Variants in INPP4B observed in about 807,000 individuals in gnomAD.
The protein encoded by INPP4B is inositol polyphosphate 4-phosphatase type II.
Under a neutral mutation model 122.5 loss-of-function variants are expected in INPP4B, and 55 were observed. That is an observed-to-expected ratio of 0.45 (90% CI 0.36 to 0.56). The LOEUF (loss-of-function observed/expected upper bound fraction) is 0.56, where lower values mean the gene tolerates loss of function less well. Among genes scored for constraint, INPP4B ranks in the 20% least tolerant of loss-of-function variants. INPP4B has a pLI of 0.00. For missense variants in INPP4B, 1,000 were observed against 1,097.7 expected (o/e 0.91, Z 1.26); for synonymous variants, 403 against 388.7 (o/e 1.04, Z -0.43).
chr4:142,117,799 C>T (rs577609970), intron 21 of INPP4B, among the ~76,000 whole-genome samples: 1 of 151,496 alleles, frequency 6.6e-6, no homozygotes, highest in East Asian at 1.9e-4. Flanking sequence ...CTAGGGCAAT[C>T]AGGCAGGAGA....
chr4:142,661,985 G>A (rs1270092104), intron 2 of INPP4B, among the ~76,000 whole-genome samples: 5 of 152,080 alleles, frequency 3.3e-5, no homozygotes, highest in Admixed American at 3.3e-4. Context: ...TGTAATCCCA[G>A]CACGTTGGGA....
intron 2 of INPP4B, among the ~76,000 whole-genome samples, chr4:142,586,712 C>A (rs1580434636): frequency 1.3e-5 from 2 of 151,930 alleles, no homozygotes; most frequent in East Asian, 3.9e-4. Context: ...ATATATAATA[C>A]TGAGAAAGTA....
At chr4:142,652,032 C>T (rs1363248544) in intron 2 of INPP4B, among the ~76,000 whole-genome samples, 1 of 152,116 alleles carries the variant, frequency 6.6e-6, no homozygotes, top group East Asian at 1.9e-4. Flanking sequence ...ACTATCAGGT[C>T]AGCTTCATCC....
chr4:142,103,657 T>G (rs907437441), intron 23 of INPP4B, among the ~76,000 whole-genome samples: 2 of 152,072 alleles, frequency 1.3e-5, no homozygotes, highest in African/African-American at 4.8e-5. Context: ...TTACCTTGAG[T>G]CATTAAATTG....
intron 1 of INPP4B, among the ~76,000 whole-genome samples, chr4:142,794,119 C>CCAAAATGT (rs1453792757): frequency 6.6e-6 from 1 of 151,950 alleles, no homozygotes; most frequent in African/African-American, 2.4e-5. Flanking sequence ...ATCTATCTAT[C>CCAAAATGT]ACAAGCTAAT....
Position 142,723,686 on chromosome 4 carries a change from T to C in INPP4B, c.-191+2153A>G, listed in dbSNP as rs112981611. 3.1e-3 allele frequency among the ~76,000 whole-genome samples: 475 copies of C among 152,256 alleles called. 6 individuals are homozygous for C. The highest frequency in any genetic ancestry group is 0.011 in the African/African-American group (463 of 41,568). ...CTACACAAAATGAATGTGTTAGTCA[T>C]CATGTATACTAAGAAAAGCTGAATG... On this transcript the variant is annotated intron_variant, in intron 2 of 25. Coordinates refer to ENST00000262992, the MANE Select transcript of INPP4B (RefSeq NM_001101669.3).
At chr4:142,035,525 A>G (rs910582296) in intron 25 of INPP4B, among the ~76,000 whole-genome samples, 12 of 152,188 alleles carry the variant, frequency 7.9e-5, no homozygotes, top group Non-Finnish European at 1.3e-4. Context: ...CCACTAACCT[A>G]GCCCACTGGT....
intron 5 of INPP4B, chr4:142,423,857 A>T (rs996055173): frequency 1.2e-5 from 5 of 426,468 alleles, no homozygotes; most frequent in Non-Finnish European, 2.3e-5. Flanking sequence ...TTATGTACTT[A>T]CCACTCTTCC....
At chr4:142,253,072 G>T (rs1468049880) in intron 11 of INPP4B, among the ~76,000 whole-genome samples, 2 of 152,132 alleles carry the variant, frequency 1.3e-5, no homozygotes, top group African/African-American at 4.8e-5. Flanking sequence ...CACCACAATG[G>T]TAAGTATTTA....
intron 24 of INPP4B, among the ~76,000 whole-genome samples, chr4:142,084,249 G>A (rs1578844953): frequency 6.6e-6 from 1 of 152,004 alleles, no homozygotes; most frequent in African/African-American, 2.4e-5. Context: ...TCAGCCTCCT[G>A]AGTGGCTGGG....
intron 2 of INPP4B, among the ~76,000 whole-genome samples, chr4:142,687,351 G>GA (rs1460002792): frequency 6.6e-6 from 1 of 151,946 alleles, no homozygotes; most frequent in African/African-American, 2.4e-5. Context: ...TGAGGAATGA[G>GA]AAAATCAAGA....
rs2152843036 is a variant in INPP4B at position 142,145,866 on chromosome 4, G to A, written c.1694C>T (p.Thr565Ile). The change falls in exon 18 of 26, where the codon ACA (threonine) becomes ATA (isoleucine). Residue 565 changes from threonine (T) to isoleucine (I), a missense_variant. Physicochemically the swap from Thr to Ile is moderately conservative, Grantham distance 89. Transcript: ENST00000262992. ...NNDGEKEPSLTDAIPSHPRED... is the reference protein window; with the variant it reads ...NNDGEKEPSLIDAIPSHPRED... ...TCTTGGGTGAGAGGGAATGGCATCT[G>A]TTAATGAAGGTTCCTTTTCTCCATC... is the stretch of plus-strand genomic sequence containing the variant. 1 of 1,613,732 alleles carries A rather than the reference G, an allele frequency of 6.2e-7. No homozygotes were observed. Among genetic ancestry groups the A allele is most frequent in the Non-Finnish European group, 8.5e-7 (1 of 1,179,720 alleles).
chr4:142,584,787 A>G (rs781485496), intron 2 of INPP4B, among the ~76,000 whole-genome samples: 1 of 152,056 alleles, frequency 6.6e-6, no homozygotes, highest in Admixed American at 6.6e-5. Flanking sequence ...AGTGCAGACC[A>G]TATTTAAGAG....
At chr4:142,593,954 C>G (rs933380748) in intron 2 of INPP4B, among the ~76,000 whole-genome samples, 2 of 151,872 alleles carry the variant, frequency 1.3e-5, no homozygotes, top group Non-Finnish European at 2.9e-5. Flanking sequence ...TATCTTAGAT[C>G]TTTTCATATC....
chr4:142,254,393 A>G (rs1199927039), intron 11 of INPP4B, among the ~76,000 whole-genome samples: 1 of 143,004 alleles, frequency 7.0e-6, no homozygotes, highest in Non-Finnish European at 1.5e-5. Context: ...GCTTCAGATG[A>G]TCAAATTACT....
intron 2 of INPP4B, among the ~76,000 whole-genome samples, chr4:142,678,285 T>C (rs1758106440): frequency 1.3e-5 from 2 of 151,918 alleles, no homozygotes; most frequent in African/African-American, 4.8e-5. Context: ...GCCTGGTTCC[T>C]GCCAGTTAAC....
chr4:142,319,162 C>A (rs1045973248), intron 7 of INPP4B, among the ~76,000 whole-genome samples: 13 of 152,138 alleles, frequency 8.5e-5, no homozygotes, highest in Non-Finnish European at 1.6e-4. Context: ...AGCACCTGGA[C>A]CTCATGCAAG....
At chr4:142,624,148 A>T (rs986814262) in intron 2 of INPP4B, among the ~76,000 whole-genome samples, 1 of 151,586 alleles carries the variant, frequency 6.6e-6, no homozygotes, top group Non-Finnish European at 1.5e-5. Flanking sequence ...CGCCACACTG[A>T]CTTCCACAAT....
intron 15 of INPP4B, among the ~76,000 whole-genome samples, chr4:142,191,326 C>T (rs1405625802): frequency 1.3e-5 from 2 of 152,156 alleles, no homozygotes; most frequent in African/African-American, 4.8e-5. Context: ...CAGGGAAAGC[C>T]AAAGAACCTG....
Sources: gnomAD v4.1 joint callset for allele counts (sites outside exome capture counted in the v4.1 genomes callset) on GRCh38, gnomAD v4.1.1 for gene constraint, MANE v1.5 for transcripts, NCBI Gene and HGNC (gene_info 2026-07-23, HGNC 2026-07-21) for gene names.